Variants in KBTBD11 observed in about 807,000 individuals in gnomAD.
KBTBD11 encodes kelch repeat and BTB domain-containing protein 11.
For synonymous variants in KBTBD11, 747 were observed against 499.0 expected, an observed-to-expected ratio of 1.50 and a Z score of -6.63; for missense variants, 1,390 against 1,001.8, an observed-to-expected ratio of 1.39 and a Z score of -5.23.
chr8:1,994,212 AC>A (rs1243296837), intron 1 of KBTBD11, among the ~76,000 whole-genome samples: 4 of 151,988 alleles, frequency 2.6e-5, no homozygotes, highest in Non-Finnish European at 4.4e-5. Context: ...CCCCTAAATG[AC>A]CCCCAGGAGG....
In KBTBD11 at chr8:2,001,277, TC is replaced by T. The variant is rs1196389519; in HGVS notation, c.89del (p.Pro30ArgfsTer150). The T allele has an allele frequency of 6.6e-7, 1 of 1,517,266 alleles. No homozygotes were observed. The highest frequency in any genetic ancestry group is 1.2e-5 in the South Asian group (1 of 81,216). 94.0% of individuals were successfully genotyped at this position (1,517,266 alleles called of 1,614,324 possible). A position where few individuals can be genotyped will look rare whatever the true frequency, so the allele number is the denominator to read the frequency against. On this transcript the variant is annotated frameshift_variant, in exon 2 of 2. Coordinates refer to ENST00000320248, the MANE Select transcript of KBTBD11 (RefSeq NM_014867.3). LOFTEE classifies it low-confidence loss of function (END_TRUNC). ...GGAGAGCGAGAGCGAGGGCGCCGCG[TC>T]CCCGGCGCAGACACCCTGCAGTCTC... ...AGESESEGAA[S>X]PAQTPCSLGA...
rs751023255 is a variant in KBTBD11, at chr8:2,002,715, G to C, written c.1523G>C (p.Ser508Thr). Residue 508 changes from serine to threonine, a missense_variant, in exon 2 of 2, where the codon AGC becomes ACC. Physicochemically the swap from Ser to Thr is moderately conservative, Grantham distance 58 (BLOSUM62 1). Coordinates refer to ENST00000320248, the MANE Select transcript of KBTBD11 (RefSeq NM_014867.3). The surrounding 1 kb of genome is among the most constrained non-coding windows in gnomAD (Gnocchi z 4.1). ...GGCTTCATCTACCGCTTCGATCTGA[G>C]CGGCAGCCGCGGCGAGGCGCAGGCG... ...LDGFIYRFDL[S>T]GSRGEAQAAG... 74 of 1,517,004 alleles carry C rather than the reference G, an allele frequency of 4.9e-5. No individual in the cohort carries two copies. The highest frequency in any genetic ancestry group is 6.4e-5 in the Non-Finnish European group (73 of 1,140,156). The allele number at this position is 1,517,004 out of a possible 1,614,324, so 94.0% of individuals were successfully genotyped here.
At chr8:1,987,219 G>GT (rs1816734628) in intron 1 of KBTBD11, among the ~76,000 whole-genome samples, 1 of 152,004 alleles carries the variant, frequency 6.6e-6, no homozygotes, top group Non-Finnish European at 1.5e-5. Flanking sequence ...GTTTTTTAAT[G>GT]TTTAAAATAT....
Position 1,989,338 on chromosome 8 carries a change from C to G in KBTBD11, c.-908-10947C>G, listed in dbSNP as rs548573059. Among the ~76,000 whole-genome samples the G allele has an allele frequency of 2.6e-5, 4 of 152,322 alleles. No individual in the cohort carries two copies. In the East Asian group the frequency reaches 7.7e-4, roughly 29 times the overall value. On this transcript the variant is annotated intron_variant, in intron 1 of 1. Coordinates refer to ENST00000320248, the MANE Select transcript of KBTBD11 (RefSeq NM_014867.3). ...GATTTATTTTCATCCAGTTTTCTTTCAGTACTTCCAGATCTGTGATTCCAG... is the reference window on the plus strand; with the variant it reads ...GATTTATTTTCATCCAGTTTTCTTTGAGTACTTCCAGATCTGTGATTCCAG...
In KBTBD11 at chr8:2,006,188, C is replaced by G. The variant is rs939794582; in HGVS notation, c.*3124C>G. 2 of 167,084 alleles carry G rather than the reference C, an allele frequency of 1.2e-5. No homozygotes were observed. Among genetic ancestry groups the G allele is most frequent in the African/African-American group, 2.4e-5 (1 of 41,468 alleles). 10.4% of individuals were successfully genotyped at this position (167,084 alleles called of 1,614,324 possible). On this transcript the variant is annotated 3_prime_UTR_variant, in exon 2 of 2. Transcript: ENST00000320248. ...TCATCTGCTCTGTTTCTGCTAATTTCTGGTGTCACTTCAGTAATTCTGGTA... is the reference window on the plus strand; with the variant it reads ...TCATCTGCTCTGTTTCTGCTAATTTGTGGTGTCACTTCAGTAATTCTGGTA...
intron 1 of KBTBD11, among the ~76,000 whole-genome samples, chr8:1,997,615 C>G (rs1019816427): frequency 7.2e-5 from 11 of 152,220 alleles, no homozygotes; most frequent in Admixed American, 1.3e-4. Context: ...GGCTCCCGAG[C>G]CCCTGATGCA....
intron 1 of KBTBD11, among the ~76,000 whole-genome samples, chr8:1,994,451 G>C (rs1359062484): frequency 6.6e-6 from 1 of 152,270 alleles, no homozygotes; most frequent in Non-Finnish European, 1.5e-5. Flanking sequence ...CCGGGAGTCT[G>C]AATGACTCAA....
chr8:1,995,486 C>G, intron 1 of KBTBD11, among the ~76,000 whole-genome samples: 1 of 152,130 alleles, frequency 6.6e-6, no homozygotes, highest in Middle Eastern at 3.2e-3. Context: ...TTCATGGTCC[C>G]TTTACACTAT....
intron 1 of KBTBD11, among the ~76,000 whole-genome samples, chr8:1,994,362 A>C (rs893609132): frequency 2.0e-5 from 3 of 152,222 alleles, no homozygotes; most frequent in Non-Finnish European, 4.4e-5. Flanking sequence ...ATGCAGGGGC[A>C]ACCGGCGACC....
chr8:2,002,224 C>G lies in KBTBD11; in HGVS notation c.1032C>G (p.Pro344=). Residue 344 remains proline, a synonymous_variant, in exon 2 of 2, where the codon CCC becomes CCG. Coordinates refer to ENST00000320248, the MANE Select transcript of KBTBD11 (RefSeq NM_014867.3). The surrounding 1 kb of genome is among the most constrained non-coding windows in gnomAD (Gnocchi z 4.1). The part of the protein sequence containing the change: ...AGEWRELTRL[P]EGAPARGCGL... The stretch of plus-strand genomic sequence containing the variant: ...AGTGGCGCGAGCTGACGCGGCTGCC[C>G]GAGGGCGCGCCGGCGCGGGGCTGCG... 1.6e-6 allele frequency: 2 copies of G among 1,265,358 alleles called. No homozygotes were observed. Among genetic ancestry groups the G allele is most frequent in the Non-Finnish European group, 2.0e-6 (2 of 1,010,104 alleles). The allele number at this position is 1,265,358 out of a possible 1,614,324, so 78.4% of individuals were successfully genotyped here.
chr8:1,983,249 C>G lies in KBTBD11; in HGVS notation c.-909+9314C>G, dbSNP rs574002327. Among the ~76,000 whole-genome samples, 19 of 152,342 alleles carry G rather than the reference C, an allele frequency of 1.2e-4. No homozygotes were observed. The East Asian group carries it at 3.5e-3, about 28-fold the overall frequency. ...GTGAATCCTGCCGCCTCTGCTGCCA[C>G]CCTGTGTGCACCCCCATGCTCCAAA... is the stretch of plus-strand genomic sequence containing the variant. On this transcript the variant is annotated intron_variant, in intron 1 of 1. Coordinates refer to ENST00000320248, the MANE Select transcript of KBTBD11 (RefSeq NM_014867.3).
In KBTBD11 at chr8:2,001,203, C is replaced by T. The variant is rs1365046783; in HGVS notation, c.11C>T (p.Ala4Val). 2 of 1,374,998 alleles carry T rather than the reference C, an allele frequency of 1.5e-6. No individual in the cohort carries two copies. Among genetic ancestry groups the T allele is most frequent in the Non-Finnish European group, 1.9e-6 (2 of 1,061,762 alleles). The allele number at this position is 1,374,998 out of a possible 1,614,324, so 85.2% of individuals were successfully genotyped here. The change falls in exon 2 of 2, where the codon GCG becomes GTG. Residue 4 changes from alanine to valine, a missense_variant. Physicochemically the swap from Ala to Val is moderately conservative, Grantham distance 64. Transcript: ENST00000320248. ...CAGCACAGCCCGGCCATGGAGCACG[C>T]GGTGGCCCCCTGCGTCCTCTACCCA... is the stretch of plus-strand genomic sequence containing the variant. MEH[A>V]VAPCVLYPGT...
At chr8:1,987,015 A>AC (rs1816726312) in intron 1 of KBTBD11, among the ~76,000 whole-genome samples, 1 of 121,440 alleles carries the variant, frequency 8.2e-6, no homozygotes, top group African/African-American at 2.6e-5. Context: ...TCCAAAAAAA[A>AC]AAAAAAAAAA....
intron 1 of KBTBD11, among the ~76,000 whole-genome samples, chr8:1,984,144 G>C (rs1040538479): frequency 6.6e-6 from 1 of 151,364 alleles, no homozygotes; most frequent in Non-Finnish European, 1.5e-5. Flanking sequence ...AATAAAAAAA[G>C]AGTCACACGT....
In KBTBD11 at chr8:2,005,862, T is replaced by C. The variant is rs1817558052; in HGVS notation, c.*2798T>C. On this transcript the variant is annotated 3_prime_UTR_variant, in exon 2 of 2. Transcript: ENST00000320248. ...ATGTTATGCATGGAAGCCTGACCTT[T>C]TGCTTAGTTGACAGCAATCCCTTCT... The C allele has an allele frequency of 1.2e-5, 2 of 167,110 alleles. No homozygotes were observed. The highest frequency in any genetic ancestry group is 4.8e-5 in the African/African-American group (2 of 41,458). The allele number at this position is 167,110 out of a possible 1,614,324, so 10.4% of individuals were successfully genotyped here.
intron 1 of KBTBD11, among the ~76,000 whole-genome samples, chr8:1,998,796 C>CCAT (rs10636932): frequency 0.26 from 39,758 of 152,154 alleles, 8,457 homozygotes; most frequent in African/African-American, 0.59. Context: ...CTTTGCATGA[C>CCAT]TCAGCTGGCT....
intron 1 of KBTBD11, chr8:1,974,908 T>G (rs1432490733): frequency 5.8e-6 from 1 of 173,400 alleles, no homozygotes; most frequent in Non-Finnish European, 1.1e-5. Context: ...CCGTCAGATT[T>G]TAAAGTTCCA....
chr8:1,997,041 T>C (rs1249454345), intron 1 of KBTBD11, among the ~76,000 whole-genome samples: 1 of 152,166 alleles, frequency 6.6e-6, no homozygotes, highest in African/African-American at 2.4e-5. Flanking sequence ...GAAACTGCAG[T>C]GCTGACTTTC....
Position 1,973,766 on chromosome 8 carries a change from T to G in KBTBD11, c.-1078T>G. The G allele has an allele frequency of 2.0e-6, 2 of 983,664 alleles. No homozygotes were observed. The highest frequency in any genetic ancestry group is 2.4e-6 in the Non-Finnish European group (2 of 829,292). 60.9% of individuals were successfully genotyped at this position (983,664 alleles called of 1,614,324 possible). On this transcript the variant is annotated 5_prime_UTR_variant, in exon 1 of 2. Coordinates refer to ENST00000320248, the MANE Select transcript of KBTBD11 (RefSeq NM_014867.3). Reference sequence around the variant, plus strand: ...GGAGAGGCCTGTCCACCGCCCCCTCTGCCGCCCACGCCCCGCTGCGGGTCG... The same window carrying G: ...GGAGAGGCCTGTCCACCGCCCCCTCGGCCGCCCACGCCCCGCTGCGGGTCG...
Sources: allele counts gnomAD v4.1 joint callset (sites outside exome capture counted in the v4.1 genomes callset), GRCh38; gene constraint gnomAD v4.1.1; non-coding constraint Gnocchi (gnomAD v3.1); transcripts MANE v1.5; gene names NCBI Gene and HGNC (gene_info 2026-07-23, HGNC 2026-07-21).